The following TACR1 variants were observed in gnomAD, a reference collection of about 807,000 sequenced individuals.
The protein encoded by TACR1 is tachykinin receptor 1.
In TACR1, 25 loss-of-function variants were observed where a neutral mutation model predicts 35.8. The ratio of observed to expected loss-of-function variants is 0.70; its 90% CI spans 0.51 to 0.98. TACR1 has a LOEUF of 0.98. Ranked by LOEUF, TACR1 falls within the 50% of genes least tolerant of loss-of-function variation. TACR1 has a pLI of 0.00. For synonymous variants in TACR1, 195 were observed against 206.7 expected (o/e 0.94, Z 0.48); for missense variants, 478 against 522.9 (o/e 0.91, Z 0.84).
At chr2:75,123,928 G>A (rs1012350654) in intron 1 of TACR1, among the ~76,000 whole-genome samples, 2 of 152,062 alleles carry the variant, frequency 1.3e-5, no homozygotes, top group Admixed American at 6.6e-5. Context: ...TGCTTATTTG[G>A]TTATAAGATA....
intron 2 of TACR1, among the ~76,000 whole-genome samples, chr2:75,116,549 A>C (rs1432882291): frequency 2.0e-5 from 3 of 152,086 alleles, no homozygotes; most frequent in African/African-American, 7.2e-5. Context: ...TTTTAGGGTA[A>C]TTACCTGCAA....
At chr2:75,132,460 T>A (rs1674196587) in intron 1 of TACR1, among the ~76,000 whole-genome samples, 1 of 152,242 alleles carries the variant, frequency 6.6e-6, no homozygotes, top group Non-Finnish European at 1.5e-5. Flanking sequence ...ATTGCATATT[T>A]TTAAAAATGT....
In TACR1 at chr2:75,158,503, A is replaced by G. The variant is rs142093487; in HGVS notation, c.390-37735T>C. Reference sequence around the variant, plus strand: ...AATGGTCCTGGGGGAAGAGTGCTCTATCGCAGGCCTCAGGCAAAGTTCTAA... The same window carrying G: ...AATGGTCCTGGGGGAAGAGTGCTCTGTCGCAGGCCTCAGGCAAAGTTCTAA... On this transcript the variant is annotated intron_variant, in intron 1 of 4. Coordinates refer to ENST00000305249, the MANE Select transcript of TACR1 (RefSeq NM_001058.4). 2.8e-4 allele frequency among the ~76,000 whole-genome samples: 43 copies of G among 152,308 alleles called. No homozygotes were observed. In the East Asian group the frequency reaches 5.8e-3, roughly 20 times the overall value.
chr2:75,195,079 T>C (rs1675933569), intron 1 of TACR1, among the ~76,000 whole-genome samples: 1 of 152,208 alleles, frequency 6.6e-6, no homozygotes, highest in Admixed American at 6.5e-5. Context: ...CACCTCTCTG[T>C]GTCCCCCATC....
intron 1 of TACR1, among the ~76,000 whole-genome samples, chr2:75,161,100 G>C (rs1185289316): frequency 1.3e-5 from 2 of 151,782 alleles, no homozygotes; most frequent in Non-Finnish European, 2.9e-5. Flanking sequence ...ATGAATATAA[G>C]AGATCAGGAA....
chr2:75,065,592 G>C (rs1009138426), intron 2 of TACR1, among the ~76,000 whole-genome samples: 1 of 151,988 alleles, frequency 6.6e-6, no homozygotes, highest in African/African-American at 2.4e-5. Flanking sequence ...AGCTTCTCTC[G>C]ATGCAGCAGC....
intron 2 of TACR1, among the ~76,000 whole-genome samples, chr2:75,081,496 A>C (rs1028803109): frequency 3.9e-5 from 6 of 152,200 alleles, no homozygotes; most frequent in Non-Finnish European, 8.8e-5. Context: ...AGGGTGGACC[A>C]TCCTGCTCTT....
intron 1 of TACR1, among the ~76,000 whole-genome samples, chr2:75,137,714 G>T (rs993937280): frequency 1.9e-5 from 2 of 102,916 alleles, no homozygotes; most frequent in East Asian, 3.2e-4. Flanking sequence ...GGGCGACAGA[G>T]AGAGTCTCCG....
At chr2:75,133,986 G>A (rs958749191) in intron 1 of TACR1, among the ~76,000 whole-genome samples, 2 of 152,102 alleles carry the variant, frequency 1.3e-5, no homozygotes, top group Non-Finnish European at 2.9e-5. Context: ...GATGACTTCT[G>A]GTCGTCCTCA....
intron 2 of TACR1, among the ~76,000 whole-genome samples, chr2:75,072,827 T>C (rs1347887324): frequency 6.6e-6 from 1 of 152,210 alleles, no homozygotes; most frequent in African/African-American, 2.4e-5. Flanking sequence ...TTTCCTCAAA[T>C]CTTCAAGGTC....
intron 2 of TACR1, among the ~76,000 whole-genome samples, chr2:75,083,943 G>T (rs546968888): frequency 2.0e-5 from 3 of 151,962 alleles, no homozygotes; most frequent in African/African-American, 7.3e-5. Flanking sequence ...GATTGCCCTG[G>T]CCAGAACTTC....
At chr2:75,179,539 C>T (rs1245128398) in intron 1 of TACR1, among the ~76,000 whole-genome samples, 1 of 152,166 alleles carries the variant, frequency 6.6e-6, no homozygotes, top group Non-Finnish European at 1.5e-5. Context: ...CCAAGCTTAT[C>T]TTGTGGTGGT....
chr2:75,056,617 A>T (rs1430133367), intron 2 of TACR1, among the ~76,000 whole-genome samples: 1 of 152,040 alleles, frequency 6.6e-6, no homozygotes, highest in African/African-American at 2.4e-5. Context: ...CCATGTCCTG[A>T]TCTGTTGGCC....
chr2:75,057,346 A>C (rs1479914667), intron 2 of TACR1, among the ~76,000 whole-genome samples: 2 of 151,880 alleles, frequency 1.3e-5, no homozygotes, highest in Admixed American at 1.3e-4. Flanking sequence ...ACCTACCCAA[A>C]TCCTATAAAA....
intron 1 of TACR1, among the ~76,000 whole-genome samples, chr2:75,153,505 C>T (rs190995214): frequency 2.6e-5 from 4 of 152,238 alleles, no homozygotes; most frequent in Admixed American, 6.5e-5. Context: ...CTGTTAAAGG[C>T]GTTCAGTTTT....
intron 2 of TACR1, among the ~76,000 whole-genome samples, chr2:75,105,959 C>G (rs1197451883): frequency 6.6e-6 from 1 of 151,850 alleles, no homozygotes; most frequent in African/African-American, 2.4e-5. Flanking sequence ...GGATGGGATC[C>G]TGGAACAGGA....
At chr2:75,165,434 G>A (rs1311367622) in intron 1 of TACR1, among the ~76,000 whole-genome samples, 2 of 150,194 alleles carry the variant, frequency 1.3e-5, no homozygotes, top group Middle Eastern at 7.3e-3. Context: ...TCAGCCTCCC[G>A]AGTAGCTGGG....
At chr2:75,067,171 G>T (rs1192559155) in intron 2 of TACR1, among the ~76,000 whole-genome samples, 1 of 152,190 alleles carries the variant, frequency 6.6e-6, no homozygotes, top group Non-Finnish European at 1.5e-5. Context: ...GTGGACAGTT[G>T]TTTGGGGCAC....
intron 2 of TACR1, among the ~76,000 whole-genome samples, chr2:75,072,677 C>T (rs1672905179): frequency 6.6e-6 from 1 of 152,216 alleles, no homozygotes; most frequent in Non-Finnish European, 1.5e-5. Context: ...GTGCACTCCA[C>T]TCCACAGTGA....
Sources: gnomAD v4.1 joint callset for allele counts (sites outside exome capture counted in the v4.1 genomes callset) on GRCh38, gnomAD v4.1.1 for gene constraint, MANE v1.5 for transcripts, NCBI Gene and HGNC (gene_info 2026-07-23, HGNC 2026-07-21) for gene names.